The following IL21 variants were observed in gnomAD, a reference collection of about 807,000 sequenced individuals.
IL21 encodes interleukin 21.
Under a neutral mutation model 18.4 loss-of-function variants are expected in IL21, and 3 were observed. The observed-to-expected ratio is 0.16, with a 90% CI of 0.07 to 0.42. The LOEUF is 0.42. Ranked by LOEUF, IL21 falls within the 10% of genes least tolerant of loss-of-function variation. IL21 has a pLI of 0.99. For missense variants in IL21, 130 were observed against 188.4 expected, an observed-to-expected ratio of 0.69 and a Z score of 1.81; for synonymous variants, 37 against 62.0, an observed-to-expected ratio of 0.60 and a Z score of 1.90.
In IL21 at chr4:122,612,465, TCAAC is replaced by T. The variant is rs1164604271; in HGVS notation, c.*241_*244del. 6.6e-6 allele frequency among the ~76,000 whole-genome samples: 1 copy of T among 152,112 alleles called. No individual in the cohort carries two copies. The highest frequency in any genetic ancestry group is 6.6e-5 in the Admixed American group (1 of 15,262). On this transcript the variant is annotated 3_prime_UTR_variant, in exon 5 of 5. Transcript: ENST00000648588. ...TGGTTAAAAATTTTAGCCTTCTCCTTCAACCAAGAAATGTCAAAGTTGGGCAGTG... is the reference window on the plus strand; with the variant it reads ...TGGTTAAAAATTTTAGCCTTCTCCTTCAAGAAATGTCAAAGTTGGGCAGTG...
intron 2 of IL21, among the ~76,000 whole-genome samples, chr4:122,619,667 A>G (rs2150688973): frequency 6.6e-6 from 1 of 152,362 alleles, no homozygotes; most frequent in South Asian, 2.1e-4. Context: ...AGTCTTTCCA[A>G]TAAGCTGAAT....
At chr4:122,616,092 T>C (rs1294314338) in intron 2 of IL21, among the ~76,000 whole-genome samples, 2 of 152,218 alleles carry the variant, frequency 1.3e-5, no homozygotes, top group Non-Finnish European at 2.9e-5. Flanking sequence ...CAGAGGACCA[T>C]TTTGATGTCT....
intron 3 of IL21, among the ~76,000 whole-genome samples, chr4:122,614,836 C>T (rs1192895466): frequency 1.3e-5 from 2 of 152,090 alleles, no homozygotes; most frequent in Non-Finnish European, 2.9e-5. Flanking sequence ...TCTCAGGGCT[C>T]CTAAAAGCTT....
chr4:122,619,936 A>C (rs1442298891), intron 2 of IL21: 1 of 152,230 alleles, frequency 6.6e-6, no homozygotes, highest in African/African-American at 2.4e-5. Context: ...GTGACAATGA[A>C]AACATTTCCC....
At chr4:122,617,155 C>G (rs569885231) in intron 2 of IL21, among the ~76,000 whole-genome samples, 3 of 152,276 alleles carry the variant, frequency 2.0e-5, no homozygotes, top group Admixed American at 2.0e-4. Flanking sequence ...TATCTGGTTT[C>G]CTTATATCAA....
chr4:122,617,855 G>A (rs1341595559), intron 2 of IL21, among the ~76,000 whole-genome samples: 3 of 152,216 alleles, frequency 2.0e-5, no homozygotes, highest in Non-Finnish European at 4.4e-5. Flanking sequence ...AGCCTCAAAA[G>A]AGGAAAAGAA....
At position 122,620,895 on chromosome 4, in the gene IL21, C is replaced by T. The variant is rs1375760550; in HGVS notation, c.117G>A (p.Met39Ile). Residue 39 changes from methionine (M) to isoleucine (I), a missense_variant, in exon 1 of 5, where the codon ATG becomes ATA. Coordinates refer to ENST00000648588, the MANE Select transcript of IL21 (RefSeq NM_021803.4). ...GATCAACAATATCTATAAGTTGACGCATTCTAATCATGTGGCGATCTTGAC... is the reference window on the plus strand; with the variant it reads ...GATCAACAATATCTATAAGTTGACGTATTCTAATCATGTGGCGATCTTGAC... ...SQGQDRHMIRMRQLIDIVDQL... is the reference protein window; with the variant it reads ...SQGQDRHMIRIRQLIDIVDQL... The T allele has an allele frequency of 1.2e-5, 20 of 1,614,078 alleles. No homozygotes were observed. Among genetic ancestry groups the T allele is most frequent in the Non-Finnish European group, 1.7e-5 (20 of 1,179,960 alleles).
intron 3 of IL21, among the ~76,000 whole-genome samples, chr4:122,613,347 CTTTTTTTT>C (rs34061725): frequency 3.2e-5 from 3 of 94,946 alleles, no homozygotes; most frequent in Non-Finnish European, 6.2e-5. Flanking sequence ...TTGCATCTAA[CTTTTTTTT>C]TTTTTTTTTT....
rs1799275256 is a variant in IL21, at chr4:122,612,482, A to G, written c.*228T>C. 2.2e-6 allele frequency: 1 copy of G among 445,004 alleles called. No homozygotes were observed. The highest frequency in any genetic ancestry group is 4.0e-6 in the Non-Finnish European group (1 of 252,276). 27.6% of individuals were successfully genotyped at this position (445,004 alleles called of 1,614,324 possible). On this transcript the variant is annotated 3_prime_UTR_variant, in exon 5 of 5. Transcript: ENST00000648588. ...CTTCTCCTTCAACCAAGAAATGTCAAAGTTGGGCAGTGAGATAAAGTAAAA... is the reference window on the plus strand; with the variant it reads ...CTTCTCCTTCAACCAAGAAATGTCAGAGTTGGGCAGTGAGATAAAGTAAAA...
intron 2 of IL21, among the ~76,000 whole-genome samples, chr4:122,617,560 G>A (rs541068008): frequency 6.6e-6 from 1 of 152,302 alleles, no homozygotes; most frequent in East Asian, 1.9e-4. Context: ...AGATAATATT[G>A]CCAGGAATGG....
At chr4:122,616,026 C>A (rs956305708) in intron 2 of IL21, among the ~76,000 whole-genome samples, 189 bp from the exon 3 acceptor site, 3 of 152,202 alleles carry the variant, frequency 2.0e-5, no homozygotes, top group Admixed American at 6.5e-5. Context: ...CCCTGCTTCG[C>A]AGATAAGAGA....
intron 2 of IL21, among the ~76,000 whole-genome samples, chr4:122,616,327 A>G (rs1319480143): frequency 1.3e-5 from 2 of 152,342 alleles, no homozygotes; most frequent in East Asian, 3.9e-4. Context: ...CGCCAGGCAT[A>G]GTGTCTTGCC....
chr4:122,612,607 TCCCA>T lies in IL21; in HGVS notation c.*99_*102del. ...CTTTGCACACTTATGAGTTTTTTTT[TCCCA>T]TCGCTAATATATTGTACTCCTCCAC... On this transcript the variant is annotated 3_prime_UTR_variant, in exon 5 of 5. Coordinates refer to ENST00000648588, the MANE Select transcript of IL21 (RefSeq NM_021803.4). 1 of 813,170 alleles carries T rather than the reference TCCCA, an allele frequency of 1.2e-6. No individual in the cohort carries two copies. The highest frequency in any genetic ancestry group is 2.1e-5 in the Admixed American group (1 of 48,658). 50.4% of individuals were successfully genotyped at this position (813,170 alleles called of 1,614,324 possible). A position where few individuals can be genotyped will look rare whatever the true frequency, so the allele number is the denominator to read the frequency against.
Position 122,610,797 on chromosome 4 carries a change from G to C in IL21, c.*1913C>G, listed in dbSNP as rs1199240059. On this transcript the variant is annotated 3_prime_UTR_variant, in exon 5 of 5. Transcript: ENST00000648588. ...GCCATCTTGAACATAGAGCAGTGAA[G>C]ATGGAGCTGTTCAAGTCTCACTGCT... 6.6e-6 allele frequency among the ~76,000 whole-genome samples: 1 copy of C among 152,162 alleles called. No individual in the cohort carries two copies. Among genetic ancestry groups the C allele is most frequent in the Non-Finnish European group, 1.5e-5 (1 of 68,032 alleles).
chr4:122,615,586 C>A, intron 3 of IL21, 96 bp downstream of exon 3: 2 of 1,137,068 alleles, frequency 1.8e-6, no homozygotes, highest in Non-Finnish European at 2.5e-6. Context: ...AGGAAGACAC[C>A]AGCAGCCCTG....
chr4:122,616,049 A>G (rs1278484197), intron 2 of IL21, among the ~76,000 whole-genome samples: 1 of 152,118 alleles, frequency 6.6e-6, no homozygotes, highest in Non-Finnish European at 1.5e-5. Flanking sequence ...AAGGAGCCTC[A>G]CTTCTTCACA....
At chr4:122,617,669 C>T (rs1799354754) in intron 2 of IL21, among the ~76,000 whole-genome samples, 1 of 152,178 alleles carries the variant, frequency 6.6e-6, no homozygotes, top group Admixed American at 6.5e-5. Context: ...GGTACCTGGA[C>T]ACTGACGCCC....
rs528879930 is a variant in IL21 at position 122,615,167 on chromosome 4, A to G, written c.360+515T>C. ...TGCCAAGGACTACTAGGAAATTATAATTGGGTTTTTGAATACTTTCAAGTC... is the reference window on the plus strand; with the variant it reads ...TGCCAAGGACTACTAGGAAATTATAGTTGGGTTTTTGAATACTTTCAAGTC... On this transcript the variant is annotated intron_variant, in intron 3 of 4. Transcript: ENST00000648588. Among the ~76,000 whole-genome samples the G allele has an allele frequency of 5.9e-5, 9 of 152,352 alleles. No homozygotes were observed. The South Asian group carries it at 1.9e-3, about 32-fold the overall frequency.
At chr4:122,617,957 ATCAC>A (rs1799363174) in intron 2 of IL21, among the ~76,000 whole-genome samples, 1 of 152,218 alleles carries the variant, frequency 6.6e-6, no homozygotes, top group Admixed American at 6.5e-5. Flanking sequence ...CAGGTGCCCT[ATCAC>A]TCAGGAGTCT....
Sources: gnomAD v4.1 joint callset for allele counts (sites outside exome capture counted in the v4.1 genomes callset) on GRCh38, gnomAD v4.1.1 for gene constraint, MANE v1.5 for transcripts, NCBI Gene and HGNC (gene_info 2026-07-23, HGNC 2026-07-21) for gene names.